LAT: variants seen among roughly 807,000 people sequenced by gnomAD.
LAT encodes the protein linker for activation of T cells.
A neutral mutation model predicts 39.1 loss-of-function variants in LAT; 12 were observed. That is an observed-to-expected ratio of 0.31 (90% CI 0.20 to 0.50). The LOEUF (loss-of-function observed/expected upper bound fraction) is 0.50, where lower values mean the gene tolerates loss of function less well. Ranked by LOEUF, LAT falls within the 20% of genes least tolerant of loss-of-function variation. LAT has a pLI of 0.98. For missense variants in LAT, 253 were observed against 308.0 expected, an observed-to-expected ratio of 0.82 and a Z score of 1.34; for synonymous variants, 117 against 123.8, an observed-to-expected ratio of 0.95 and a Z score of 0.36.
intron 11 of LAT, 64 bp downstream of exon 11, chr16:28,990,083 A>C (rs753636154): frequency 7.2e-7 from 1 of 1,395,654 alleles, no homozygotes; most frequent in Non-Finnish European, 9.9e-7. Flanking sequence ...TCCCTCCAGG[A>C]CCCCCTTGCC....
In LAT at chr16:28,985,532, G is replaced by C; in HGVS notation, c.100+15G>C. 1 of 1,612,156 alleles carries C rather than the reference G, an allele frequency of 6.2e-7. No homozygotes were observed. Among genetic ancestry groups the C allele is most frequent in the Non-Finnish European group, 8.5e-7 (1 of 1,178,908 alleles). On this transcript the variant is annotated intron_variant, in intron 1 of 11. Coordinates refer to ENST00000395456, the MANE Select transcript of LAT (RefSeq NM_001014987.2). The surrounding 1 kb of genome is among the most constrained non-coding windows in gnomAD (Gnocchi z 4.6). ...CAGACTGCCAGGTGAGTGGGAAACT[G>C]GTGGGGGTACCCAGGGCCCAGGGAC...
rs890121126 is a variant in LAT at position 28,985,917 on chromosome 16, G to A, written c.163+29G>A. The A allele has an allele frequency of 1.8e-5, 29 of 1,612,306 alleles. No homozygotes were observed. The highest frequency in any genetic ancestry group is 7.6e-6 in the Non-Finnish European group (9 of 1,178,536). Reference sequence around the variant, plus strand: ...AGTACAAGGAGGGTCCCCTACCTTGGGTGCCAGGGAGAGGGTCCCCTGGTG... The same window carrying A: ...AGTACAAGGAGGGTCCCCTACCTTGAGTGCCAGGGAGAGGGTCCCCTGGTG... On this transcript the variant is annotated intron_variant, in intron 3 of 11. Transcript: ENST00000395456. The surrounding 1 kb of genome is among the most constrained non-coding windows in gnomAD (Gnocchi z 4.6).
chr16:28,990,101 A>C, intron 11 of LAT, 82 bp downstream of exon 11: 1 of 1,163,484 alleles, frequency 8.6e-7, no homozygotes, highest in Non-Finnish European at 1.2e-6. Context: ...GCCCAACCCT[A>C]CCTCTGGCTT....
At chr16:28,984,935 C>A, upstream of LAT, 1 of 1,533,868 alleles carries the variant, frequency 6.5e-7, no homozygotes, top group Non-Finnish European at 8.8e-7. Context: ...TTGGTGAGTG[C>A]CTGGGGTGGC....
Position 28,985,292 on chromosome 16 carries a change from G to T in LAT, c.-126G>T, listed in dbSNP as rs1174367320. On this transcript the variant is annotated 5_prime_UTR_variant, in exon 1 of 12. Coordinates refer to ENST00000395456, the MANE Select transcript of LAT (RefSeq NM_001014987.2). This position sits in a 1 kb window ranked among gnomAD's most constrained non-coding sequence, Gnocchi z 4.6. ...CAGCTGCCTCCTCCCGGGCTCCCCTGCCACCTGGTGCCTACCTGCCCCCTG... is the reference window on the plus strand; with the variant it reads ...CAGCTGCCTCCTCCCGGGCTCCCCTTCCACCTGGTGCCTACCTGCCCCCTG... The T allele has an allele frequency of 6.1e-6, 9 of 1,484,442 alleles. No individual in the cohort carries two copies. Among genetic ancestry groups the T allele is most frequent in the Non-Finnish European group, 7.2e-6 (8 of 1,117,322 alleles). The allele number at this position is 1,484,442 out of a possible 1,614,324, so 92.0% of individuals were successfully genotyped here.
chr16:28,988,836 G>C (rs1965815448), intron 8 of LAT: 1 of 152,364 alleles, frequency 6.6e-6, no homozygotes, highest in African/African-American at 2.4e-5. Context: ...TTCAAGACCA[G>C]CCTGGGCAGC....
upstream of LAT, chr16:28,985,029 C>G: frequency 6.3e-6 from 9 of 1,424,440 alleles, no homozygotes; most frequent in Non-Finnish European, 8.2e-6. This position sits in a 1 kb window ranked among gnomAD's most constrained non-coding sequence, Gnocchi z 4.6. Context: ...TTGATGATTT[C>G]CTGCCCTCGC....
chr16:28,985,971 C>G lies in LAT; in HGVS notation c.163+83C>G. 2 of 1,530,418 alleles carry G rather than the reference C, an allele frequency of 1.3e-6. No individual in the cohort carries two copies. Among genetic ancestry groups the G allele is most frequent in the Non-Finnish European group, 1.8e-6 (2 of 1,104,322 alleles). 94.8% of individuals were successfully genotyped at this position (1,530,418 alleles called of 1,614,324 possible). On this transcript the variant is annotated intron_variant, in intron 3 of 11. Coordinates refer to ENST00000395456, the MANE Select transcript of LAT (RefSeq NM_001014987.2). This position sits in a 1 kb window ranked among gnomAD's most constrained non-coding sequence, Gnocchi z 4.6. ...GAGTGAGCGTGAACCTTCAGACTTC[C>G]CCTGCCACCTTGGGGCTGCCCACAT...
Position 28,990,529 on chromosome 16 carries a change from C to T in LAT, c.*348C>T, listed in dbSNP as rs369857374. 58 of 282,042 alleles carry T rather than the reference C, an allele frequency of 2.1e-4. No homozygotes were observed. The highest frequency in any genetic ancestry group is 1.3e-3 in the African/African-American group (58 of 44,104). 17.5% of individuals were successfully genotyped at this position (282,042 alleles called of 1,614,324 possible). A position where few individuals can be genotyped will look rare whatever the true frequency, so the allele number is the denominator to read the frequency against. ...GATGTCTCTGTGTGTTTGTGTGTATCTGTGGGTCTCCATCCTCCATGGGGG... is the reference window on the plus strand; with the variant it reads ...GATGTCTCTGTGTGTTTGTGTGTATTTGTGGGTCTCCATCCTCCATGGGGG... On this transcript the variant is annotated 3_prime_UTR_variant, in exon 12 of 12. Coordinates refer to ENST00000395456, the MANE Select transcript of LAT (RefSeq NM_001014987.2).
At position 28,985,541 on chromosome 16, in the gene LAT, A is replaced by G; in HGVS notation, c.100+24A>G. 4 of 1,610,750 alleles carry G rather than the reference A, an allele frequency of 2.5e-6. No individual in the cohort carries two copies. Among genetic ancestry groups the G allele is most frequent in the Non-Finnish European group, 3.4e-6 (4 of 1,177,992 alleles). On this transcript the variant is annotated intron_variant, in intron 1 of 11. Coordinates refer to ENST00000395456, the MANE Select transcript of LAT (RefSeq NM_001014987.2). This position sits in a 1 kb window ranked among gnomAD's most constrained non-coding sequence, Gnocchi z 4.6. ...AGGTGAGTGGGAAACTGGTGGGGGT[A>G]CCCAGGGCCCAGGGACACCGACGGG...
chr16:28,989,282 G>A, intron 8 of LAT: 1 of 504,380 alleles, frequency 2.0e-6, no homozygotes, highest in Non-Finnish European at 3.5e-6. Flanking sequence ...CCAGTCAAGT[G>A]GACCTCCTCC....
rs749468155 is a variant in LAT at position 28,990,039 on chromosome 16, C to T, written c.*7+20C>T. The T allele has an allele frequency of 1.9e-6, 3 of 1,589,800 alleles. No individual in the cohort carries two copies. In the South Asian group the frequency reaches 3.4e-5, roughly 18 times the overall value. ...GGCCTGGTGAGAGGCCTGCCCTGTC[C>T]CCACCCTGCCCTGGGCCCACAGGCT... is the stretch of plus-strand genomic sequence containing the variant. On this transcript the variant is annotated intron_variant, in intron 11 of 11. Transcript: ENST00000395456.
chr16:28,985,706 T>C lies in LAT; in HGVS notation c.101-7T>C. 6.2e-7 allele frequency: 1 copy of C among 1,613,756 alleles called. No individual in the cohort carries two copies. Among genetic ancestry groups the C allele is most frequent in the South Asian group, 1.1e-5 (1 of 91,064 alleles). On this transcript the variant is annotated splice_polypyrimidine_tract_variant and splice_region_variant and intron_variant, in intron 1 of 11. Coordinates refer to ENST00000395456, the MANE Select transcript of LAT (RefSeq NM_001014987.2). The surrounding 1 kb of genome is among the most constrained non-coding windows in gnomAD (Gnocchi z 4.6). ...TGTTCCTGCCTCACCAGCCCTCTCTTTCCCAGGCTCCTACGACAGCACATC... is the reference window on the plus strand; with the variant it reads ...TGTTCCTGCCTCACCAGCCCTCTCTCTCCCAGGCTCCTACGACAGCACATC...
At position 28,986,160 on chromosome 16, in the gene LAT, C is replaced by T. The variant is rs1432777415; in HGVS notation, c.189C>T (p.Ala63=). The change falls in exon 4 of 12, where the codon GCC becomes GCT. Residue 63 remains alanine (A), a synonymous_variant. Transcript: ENST00000395456. The surrounding 1 kb of genome is among the most constrained non-coding windows in gnomAD (Gnocchi z 5.7). ...RPHTVAPWPP[A]YPPVTSYPPL... is the part of the protein sequence containing the mutation. ...ACACGGTTGCCCCCTGGCCACCTGCCTACCCACCTGTCACCTCCTACCCAC... is the reference window on the plus strand; with the variant it reads ...ACACGGTTGCCCCCTGGCCACCTGCTTACCCACCTGTCACCTCCTACCCAC... 1.2e-6 allele frequency: 2 copies of T among 1,603,568 alleles called. No individual in the cohort carries two copies. The highest frequency in any genetic ancestry group is 2.2e-5 in the East Asian group (1 of 44,876).
At position 28,985,407 on chromosome 16, in the gene LAT, C is replaced by T. The variant is rs767321097; in HGVS notation, c.-11C>T. 2 of 1,613,272 alleles carry T rather than the reference C, an allele frequency of 1.2e-6. No homozygotes were observed. The highest frequency in any genetic ancestry group is 2.2e-5 in the East Asian group (1 of 44,876). On this transcript the variant is annotated 5_prime_UTR_variant, in exon 1 of 12. Transcript: ENST00000395456. This position sits in a 1 kb window ranked among gnomAD's most constrained non-coding sequence, Gnocchi z 4.6. ...AGGGGTGCAGCCAGCCTGCTCCGAGCTCCCCTGCAGATGGAGGAGGCCATC... is the reference window on the plus strand; with the variant it reads ...AGGGGTGCAGCCAGCCTGCTCCGAGTTCCCCTGCAGATGGAGGAGGCCATC...
Position 28,986,729 on chromosome 16 carries a change from G to A in LAT, c.398+15G>A. ...CCAGGCTACCTGTGAGTGGCCAGGT[G>A]GGAGGTGGGAGGTGAGGGCTGAGGC... On this transcript the variant is annotated intron_variant, in intron 7 of 11. Coordinates refer to ENST00000395456, the MANE Select transcript of LAT (RefSeq NM_001014987.2). This position sits in a 1 kb window ranked among gnomAD's most constrained non-coding sequence, Gnocchi z 5.7. 1 of 1,610,926 alleles carries A rather than the reference G, an allele frequency of 6.2e-7. No homozygotes were observed. Among genetic ancestry groups the A allele is most frequent in the Non-Finnish European group, 8.5e-7 (1 of 1,177,852 alleles).
rs1466718145 is a variant in LAT at position 28,986,842 on chromosome 16, C to G, written c.442C>G (p.Pro148Ala). The G allele has an allele frequency of 9.3e-6, 15 of 1,614,134 alleles. No homozygotes were observed. Among genetic ancestry groups the G allele is most frequent in the Non-Finnish European group, 1.3e-5 (15 of 1,180,014 alleles). Residue 148 changes from proline to alanine, a missense_variant, in exon 8 of 12, where the codon CCA becomes GCA. By Grantham distance (27) the Pro-to-Ala change is conservative (BLOSUM62 -1). Transcript: ENST00000395456. This position sits in a 1 kb window ranked among gnomAD's most constrained non-coding sequence, Gnocchi z 5.7. The part of the protein sequence containing the change: ...DSTPATSTAA[P>A]SAPALSTPGI... ...CACCCCGGCCACTAGCACTGCTGCC[C>G]CATCAGCTCCTGCACTCAGCACCCC...
At position 28,990,017 on chromosome 16, in the gene LAT, C is replaced by T. The variant is rs1346116211; in HGVS notation, c.*5C>T. The T allele has an allele frequency of 3.1e-6, 5 of 1,611,760 alleles. No individual in the cohort carries two copies. In the Middle Eastern group the frequency reaches 5.1e-4, roughly 163 times the overall value. On this transcript the variant is annotated splice_region_variant and 3_prime_UTR_variant, in exon 11 of 12. Coordinates refer to ENST00000395456, the MANE Select transcript of LAT (RefSeq NM_001014987.2). ...AATCTGCAGGAGCTGAACTGAGGGC[C>T]TGGTGAGAGGCCTGCCCTGTCCCCA...
rs1395665163 is a variant in LAT at position 28,986,217 on chromosome 16, G to A, written c.245+1G>A. ...GCCAGCCAGACCTGCTCCCCATCCC[G>A]TGAGTAGCTGCTCAGCCCCTGCCCC... On this transcript the variant is annotated splice_donor_variant, in intron 4 of 11. Coordinates refer to ENST00000395456, the MANE Select transcript of LAT (RefSeq NM_001014987.2). LOFTEE classifies it high-confidence loss of function. This position sits in a 1 kb window ranked among gnomAD's most constrained non-coding sequence, Gnocchi z 5.7. 6.3e-7 allele frequency: 1 copy of A among 1,589,678 alleles called. No individual in the cohort carries two copies. Among genetic ancestry groups the A allele is most frequent in the Non-Finnish European group, 8.6e-7 (1 of 1,165,860 alleles).
Sources: gnomAD v4.1 joint callset for allele counts on GRCh38, gnomAD v4.1.1 for gene constraint, Gnocchi (gnomAD v3.1) non-coding constraint, MANE v1.5 for transcripts, NCBI Gene and HGNC (gene_info 2026-07-23, HGNC 2026-07-21) for gene names.